The following GRM1 variants were observed in gnomAD, a reference collection of about 807,000 sequenced individuals.
GRM1 encodes the protein metabotropic glutamate receptor 1.
In GRM1, 33 loss-of-function variants were observed where a neutral mutation model predicts 90.9. The observed-to-expected ratio is 0.36, with a 90% CI of 0.28 to 0.49. The LOEUF is 0.49. Ranked by LOEUF, GRM1 falls within the 20% of genes least tolerant of loss-of-function variation. The pLI, the probability that GRM1 is intolerant of heterozygous loss-of-function variation, is 0.99. For synonymous variants in GRM1, 700 were observed against 613.2 expected, an observed-to-expected ratio of 1.14 and a Z score of -2.09; for missense variants, 1,190 against 1,534.3, an observed-to-expected ratio of 0.78 and a Z score of 3.75.
chr6:146,051,713 G>A (rs1348555485), intron 1 of GRM1, among the ~76,000 whole-genome samples: 2 of 152,030 alleles, frequency 1.3e-5, no homozygotes, highest in African/African-American at 4.8e-5. Flanking sequence ...GACATCAAAG[G>A]TTATTCCTAT....
intron 3 of GRM1, among the ~76,000 whole-genome samples, chr6:146,317,329 T>G (rs185349137): frequency 5.3e-5 from 8 of 152,354 alleles, no homozygotes; most frequent in Non-Finnish European, 8.8e-5. Context: ...CCTAAACATG[T>G]AAGCTCAGTT....
chr6:146,237,925 G>A (rs1225472291), intron 2 of GRM1, among the ~76,000 whole-genome samples: 1 of 152,172 alleles, frequency 6.6e-6, no homozygotes, highest in Non-Finnish European at 1.5e-5. Flanking sequence ...TGTTTGAAAA[G>A]TATTTGGACA....
At chr6:146,043,782 G>GATATATAT (rs3064997) in intron 1 of GRM1, among the ~76,000 whole-genome samples, 972 of 89,940 alleles carry the variant, frequency 0.011, 16 homozygotes, top group African/African-American at 0.025. Flanking sequence ...AGAGTCAGGT[G>GATATATAT]ATATATATAT....
At chr6:146,246,735 A>G (rs1229724411) in intron 2 of GRM1, among the ~76,000 whole-genome samples, 2 of 152,222 alleles carry the variant, frequency 1.3e-5, no homozygotes, top group South Asian at 2.1e-4. Flanking sequence ...TCTGGATAAT[A>G]GCAGGTTCTT....
chr6:146,214,476 T>C (rs1779799855), intron 2 of GRM1, among the ~76,000 whole-genome samples: 5 of 152,066 alleles, frequency 3.3e-5, no homozygotes, highest in Admixed American at 3.3e-4. Context: ...AGCCTTAAGA[T>C]AGAAATTGGA....
intron 2 of GRM1, among the ~76,000 whole-genome samples, chr6:146,242,007 G>A (rs1157091804): frequency 6.6e-6 from 1 of 152,066 alleles, no homozygotes; most frequent in Non-Finnish European, 1.5e-5. Context: ...AAGGACACAA[G>A]GACCTGTTTA....
intron 2 of GRM1, among the ~76,000 whole-genome samples, chr6:146,299,640 A>G (rs1783304004): frequency 6.6e-6 from 1 of 152,204 alleles, no homozygotes; most frequent in Admixed American, 6.5e-5. Context: ...TTCAAATCAT[A>G]TTGGTTGATT....
chr6:146,035,269 G>A (rs1790847598), intron 1 of GRM1, among the ~76,000 whole-genome samples: 1 of 151,932 alleles, frequency 6.6e-6, no homozygotes, highest in African/African-American at 2.4e-5. Flanking sequence ...ACAAGTAATG[G>A]AGAATCTTGA....
intron 2 of GRM1, among the ~76,000 whole-genome samples, chr6:146,259,257 C>CT (rs1326882504): frequency 5.3e-5 from 8 of 152,132 alleles, no homozygotes; most frequent in African/African-American, 1.9e-4. Flanking sequence ...TCAGGTACTA[C>CT]TGTGTTTTTC....
chr6:146,391,444 A>T (rs1343118274), intron 6 of GRM1, among the ~76,000 whole-genome samples: 2 of 152,098 alleles, frequency 1.3e-5, no homozygotes, highest in Non-Finnish European at 2.9e-5. Context: ...ACTCTCACAA[A>T]GTCCCCCTTT....
At chr6:146,413,723 A>T (rs74493158) in intron 7 of GRM1, among the ~76,000 whole-genome samples, 1,937 of 152,236 alleles carry the variant, frequency 0.013, 46 homozygotes, top group African/African-American at 0.045. Flanking sequence ...CCCTTTTTAA[A>T]CTATCCTGCT....
intron 1 of GRM1, among the ~76,000 whole-genome samples, 190 bp from the exon 2 acceptor site, chr6:146,159,158 A>T (rs980657146): frequency 6.6e-6 from 1 of 152,214 alleles, no homozygotes; most frequent in African/African-American, 2.4e-5. Flanking sequence ...ATTTCCACAG[A>T]GTTGATTGTC....
chr6:146,420,175 C>T (rs962115402), intron 7 of GRM1, among the ~76,000 whole-genome samples: 5 of 152,134 alleles, frequency 3.3e-5, no homozygotes, highest in Admixed American at 6.5e-5. Context: ...ACAGACTCAT[C>T]GAGGAGAGGG....
At chr6:146,060,027 A>G (rs1775609531) in intron 1 of GRM1, among the ~76,000 whole-genome samples, 1 of 152,078 alleles carries the variant, frequency 6.6e-6, no homozygotes, top group South Asian at 2.1e-4. Flanking sequence ...TTGTGTATTC[A>G]CTGTGGAGTA....
intron 7 of GRM1, among the ~76,000 whole-genome samples, chr6:146,421,257 A>G (rs1454406183): frequency 6.6e-6 from 1 of 152,174 alleles, no homozygotes; most frequent in South Asian, 2.1e-4. Flanking sequence ...GAAAAAAACT[A>G]AATGGTCATC....
chr6:146,356,747 A>T (rs1028829233), intron 4 of GRM1, among the ~76,000 whole-genome samples: 1 of 152,158 alleles, frequency 6.6e-6, no homozygotes, highest in Non-Finnish European at 1.5e-5. Flanking sequence ...GTACATTCTG[A>T]TGTTAGATCT....
intron 2 of GRM1, among the ~76,000 whole-genome samples, chr6:146,219,692 T>C (rs1224483744): frequency 6.6e-6 from 1 of 150,806 alleles, no homozygotes; most frequent in Non-Finnish European, 1.5e-5. Context: ...TGTGTGCATA[T>C]GTATTGGGTA....
At chr6:146,271,300 G>A (rs574988060) in intron 2 of GRM1, among the ~76,000 whole-genome samples, 15 of 152,104 alleles carry the variant, frequency 9.9e-5, no homozygotes, top group African/African-American at 2.7e-4. Flanking sequence ...CACTGTGCCC[G>A]GCCAGAGTTT....
At chr6:146,071,397 C>T (rs1302778823) in intron 1 of GRM1, among the ~76,000 whole-genome samples, 1 of 152,068 alleles carries the variant, frequency 6.6e-6, no homozygotes, top group Admixed American at 6.6e-5. Context: ...GAAATCTAAG[C>T]TAGAAATGGA....
Sources: allele counts gnomAD v4.1 joint callset (sites outside exome capture counted in the v4.1 genomes callset), GRCh38; gene constraint gnomAD v4.1.1; transcripts MANE v1.5; gene names NCBI Gene and HGNC (gene_info 2026-07-23, HGNC 2026-07-21).